Variants in LRP1B observed in about 807,000 individuals in gnomAD.
The protein encoded by LRP1B is low-density lipoprotein receptor-related protein 1B.
In LRP1B, 217 loss-of-function variants were observed where a neutral mutation model predicts 556.6. The ratio of observed to expected loss-of-function variants is 0.39; its 90% CI spans 0.35 to 0.44. LRP1B has a LOEUF of 0.44. LRP1B is among the 20% of genes least tolerant of loss of function. LRP1B has a pLI of 1.00. For missense variants in LRP1B, 5,053 were observed against 5,620.8 expected, an observed-to-expected ratio of 0.90 and a Z score of 3.23; for synonymous variants, 2,047 against 1,865.8, an observed-to-expected ratio of 1.10 and a Z score of -2.50.
At chr2:141,111,210 G>A (rs187898942) in intron 7 of LRP1B, among the ~76,000 whole-genome samples, 6 of 151,806 alleles carry the variant, frequency 4.0e-5, no homozygotes, top group Admixed American at 3.9e-4. Context: ...CAAATAAACT[G>A]GAATAAAAGC....
chr2:142,016,198 G>A (rs1703125474), intron 1 of LRP1B, among the ~76,000 whole-genome samples: 1 of 152,006 alleles, frequency 6.6e-6, no homozygotes, highest in South Asian at 2.1e-4. Context: ...GAGAGGATGT[G>A]GAGAAATAGG....
chr2:140,752,876 A>C (rs1445657915), intron 35 of LRP1B, among the ~76,000 whole-genome samples: 2 of 152,172 alleles, frequency 1.3e-5, no homozygotes, highest in African/African-American at 4.8e-5. Context: ...ATCTACATTG[A>C]CACATTGTCA....
intron 1 of LRP1B, among the ~76,000 whole-genome samples, chr2:141,976,196 T>C (rs1701882840): frequency 6.6e-6 from 1 of 152,114 alleles, no homozygotes; most frequent in African/African-American, 2.4e-5. Flanking sequence ...AGGTGGAACA[T>C]ATAGGAATAT....
intron 33 of LRP1B, among the ~76,000 whole-genome samples, chr2:140,774,837 T>C (rs1344340678): frequency 6.6e-6 from 1 of 152,164 alleles, no homozygotes; most frequent in East Asian, 1.9e-4. Flanking sequence ...AATATCCTTG[T>C]TTATTATTGT....
chr2:141,087,058 G>A (rs1700064838), intron 7 of LRP1B, among the ~76,000 whole-genome samples: 1 of 152,204 alleles, frequency 6.6e-6, no homozygotes, highest in South Asian at 2.1e-4. Flanking sequence ...CGGCAGCAAT[G>A]TAGATTCATC....
At chr2:141,337,733 C>T (rs551151344) in intron 3 of LRP1B, among the ~76,000 whole-genome samples, 130 of 152,180 alleles carry the variant, frequency 8.5e-4, no homozygotes, top group Admixed American at 2.2e-3. Context: ...TTTAAAATTT[C>T]CATTTGTTAT....
chr2:141,076,084 A>G (rs1021677735), intron 7 of LRP1B, among the ~76,000 whole-genome samples: 2 of 152,152 alleles, frequency 1.3e-5, no homozygotes, highest in African/African-American at 4.8e-5. Flanking sequence ...GTAAGGCAAA[A>G]GTTCTGTAAA....
At chr2:142,011,957 G>C (rs754452822) in intron 1 of LRP1B, among the ~76,000 whole-genome samples, 1 of 151,850 alleles carries the variant, frequency 6.6e-6, no homozygotes, top group African/African-American at 2.4e-5. Flanking sequence ...AGAATTAATG[G>C]AACCCAAAAA....
intron 60 of LRP1B, among the ~76,000 whole-genome samples, chr2:140,465,545 A>G (rs1376158900): frequency 1.3e-5 from 2 of 152,166 alleles, no homozygotes. Flanking sequence ...TGCCTAAATT[A>G]GGAAGTAACT....
At chr2:141,797,118 C>A (rs1316488050) in intron 2 of LRP1B, among the ~76,000 whole-genome samples, 3 of 125,900 alleles carry the variant, frequency 2.4e-5, no homozygotes, top group Admixed American at 9.1e-5. Context: ...AAATAAACTT[C>A]CAGTTAAAGT....
chr2:140,892,481 G>A (rs1335142335), intron 23 of LRP1B, among the ~76,000 whole-genome samples: 2 of 152,114 alleles, frequency 1.3e-5, no homozygotes, highest in Non-Finnish European at 2.9e-5. Context: ...GCAAACAAAA[G>A]CAATGATATA....
chr2:142,021,199 A>C (rs142580594), intron 1 of LRP1B, among the ~76,000 whole-genome samples: 251 of 152,322 alleles, frequency 1.6e-3, no homozygotes, highest in African/African-American at 5.8e-3. Flanking sequence ...TGAAAATTAT[A>C]AATGAAGGAT....
At chr2:140,908,716 G>A (rs965893455) in intron 21 of LRP1B, among the ~76,000 whole-genome samples, 15 of 152,052 alleles carry the variant, frequency 9.9e-5, no homozygotes, top group Non-Finnish European at 2.9e-5. Context: ...ATTGTTTCTA[G>A]AAGAAAAAAA....
chr2:140,627,259 G>T (rs1387804247), intron 41 of LRP1B, among the ~76,000 whole-genome samples: 1 of 152,116 alleles, frequency 6.6e-6, no homozygotes, highest in Admixed American at 6.5e-5. Context: ...ATGTGTCTGC[G>T]AGGGTGTTGA....
chr2:141,166,416 G>T (rs943598666), intron 7 of LRP1B, among the ~76,000 whole-genome samples: 1 of 139,098 alleles, frequency 7.2e-6, no homozygotes, highest in African/African-American at 2.7e-5. Flanking sequence ...CATAATAGGT[G>T]TATATATTTA....
At position 140,640,354 on chromosome 2, in the gene LRP1B, C is replaced by T. The variant is rs1257774612; in HGVS notation, c.6800-38715G>A. Reference sequence around the variant, plus strand: ...CCTACTTGATAGCATCATTTGCTTTCATCATCCACTATTCCCTTGTCCTGT... The same window carrying T: ...CCTACTTGATAGCATCATTTGCTTTTATCATCCACTATTCCCTTGTCCTGT... On this transcript the variant is annotated intron_variant, in intron 41 of 90. Transcript: ENST00000389484. Among the ~76,000 whole-genome samples the T allele has an allele frequency of 2.7e-3, 356 of 131,318 alleles. 2 individuals are homozygous for T. Among genetic ancestry groups the T allele is most frequent in the African/African-American group, 9.7e-3 (349 of 35,840 alleles). 86.1% of individuals were successfully genotyped at this position (131,318 alleles called of 152,430 possible).
At chr2:141,313,342 C>T (rs1489788498) in intron 3 of LRP1B, among the ~76,000 whole-genome samples, 1 of 151,298 alleles carries the variant, frequency 6.6e-6, no homozygotes, top group Non-Finnish European at 1.5e-5. Flanking sequence ...ATTTTTAGTT[C>T]CTCAAATTTT....
At position 140,598,832 on chromosome 2, in the gene LRP1B, T is replaced by G; in HGVS notation, c.6993A>C (p.Leu2331Phe). The G allele has an allele frequency of 6.3e-7, 1 of 1,576,154 alleles. No individual in the cohort carries two copies. The highest frequency in any genetic ancestry group is 8.7e-7 in the Non-Finnish European group (1 of 1,147,104). Reference sequence around the variant, plus strand: ...GTTCATTCCAGTTGGTCCAAAACATTAAACTAATTAAAATGAAAATTGTAA... The same window carrying G: ...GTTCATTCCAGTTGGTCCAAAACATGAAACTAATTAAAATGAAAATTGTAA... Reference protein sequence around the residue: ...HVLALDECQNLMFWTNWNEQH... With the variant: ...HVLALDECQNFMFWTNWNEQH... The change falls in exon 43 of 91, where the codon TTA (leucine) becomes TTC (phenylalanine). Residue 2331 changes from leucine (L) to phenylalanine (F), a missense_variant. Leu to Phe is a conservative substitution (Grantham distance 22, BLOSUM62 0). This residue lies in a region of LRP1B where 3,619 missense variants were observed against 3,931.9 expected (regional missense o/e 0.92). Transcript: ENST00000389484.
At chr2:141,039,752 T>C (rs1396202689) in intron 11 of LRP1B, among the ~76,000 whole-genome samples, 2 of 152,098 alleles carry the variant, frequency 1.3e-5, no homozygotes, top group Non-Finnish European at 2.9e-5. Context: ...CTAGCCACCA[T>C]AGCCAATTCC....
Sources: gnomAD v4.1 joint callset for allele counts (sites outside exome capture counted in the v4.1 genomes callset) on GRCh38, gnomAD v4.1.1 for gene constraint, gnomAD v4.1.1 regional missense constraint, MANE v1.5 for transcripts, NCBI Gene and HGNC (gene_info 2026-07-23, HGNC 2026-07-21) for gene names.